Variants in CDK2AP1 observed in about 807,000 individuals in gnomAD.
The protein encoded by CDK2AP1 is cyclin-dependent kinase 2-associated protein 1.
Under a neutral mutation model 14.1 loss-of-function variants are expected in CDK2AP1, and 10 were observed. The observed-to-expected ratio is 0.71, with a 90% CI of 0.44 to 1.20. The LOEUF is 1.20. Among genes scored for constraint, CDK2AP1 ranks in the 50% most tolerant of loss-of-function variants. The pLI is 0.00. For missense variants in CDK2AP1, 102 were observed against 149.9 expected (o/e 0.68, Z 1.67); for synonymous variants, 59 against 59.8 (o/e 0.99, Z 0.06).
chr12:123,265,408 C>G lies in CDK2AP1; in HGVS notation c.154-86G>C. On this transcript the variant is annotated intron_variant, in intron 2 of 3. Coordinates refer to ENST00000261692, the MANE Select transcript of CDK2AP1 (RefSeq NM_004642.4). This position sits in a 1 kb window ranked among gnomAD's most constrained non-coding sequence, Gnocchi z 5.3. ...GTCCCAGTTACTCAGGAGGCTGAGG[C>G]AGGAGAACTGCTTGGACCCAGGAGG... 1 of 1,347,236 alleles carries G rather than the reference C, an allele frequency of 7.4e-7. No individual in the cohort carries two copies. Among genetic ancestry groups the G allele is most frequent in the Non-Finnish European group, 1.1e-6 (1 of 949,384 alleles). The allele number at this position is 1,347,236 out of a possible 1,614,324, so 83.5% of individuals were successfully genotyped here.
At chr12:123,272,200 A>C (rs895445710), upstream of CDK2AP1, 1 of 152,232 alleles carries the variant, frequency 6.6e-6, no homozygotes, top group African/African-American at 2.4e-5. Context: ...CACGTAGATC[A>C]TTCCAGACGC....
chr12:123,270,934 G>C (rs956642252), intron 1 of CDK2AP1: 4 of 985,032 alleles, frequency 4.1e-6, no homozygotes, highest in Non-Finnish European at 4.8e-6. Flanking sequence ...CTGCTCCCAC[G>C]CTCCCGGCCG....
At chr12:123,266,086 C>G (rs972275311) in intron 2 of CDK2AP1, among the ~76,000 whole-genome samples, 21 of 152,352 alleles carry the variant, frequency 1.4e-4, no homozygotes, top group Non-Finnish European at 1.5e-4. Flanking sequence ...CCCACAAGCC[C>G]AGGCTACCTC....
chr12:123,262,524 C>T (rs574725127), intron 3 of CDK2AP1: 6 of 152,354 alleles, frequency 3.9e-5, no homozygotes, highest in African/African-American at 1.4e-4. Context: ...TCTGTGAGGA[C>T]CAGACAGCAA....
chr12:123,262,046 A>G, intron 3 of CDK2AP1: 1 of 410,042 alleles, frequency 2.4e-6, no homozygotes, highest in South Asian at 4.8e-5. Context: ...TCCTGCATTC[A>G]AGGTGCACCA....
Position 123,261,537 on chromosome 12 carries a change from C to G in CDK2AP1, c.*199G>C, listed in dbSNP as rs572827839. 1.9e-6 allele frequency: 1 copy of G among 523,044 alleles called. No homozygotes were observed. The highest frequency in any genetic ancestry group is 3.4e-6 in the Non-Finnish European group (1 of 293,742). The allele number at this position is 523,044 out of a possible 1,614,324, so 32.4% of individuals were successfully genotyped here. A position where few individuals can be genotyped will look rare whatever the true frequency, so the allele number is the denominator to read the frequency against. ...CAAAAAAAACCTGGGCAGTTCCTAA[C>G]TACTTAAAATGCAAATCCTAATTAA... On this transcript the variant is annotated 3_prime_UTR_variant, in exon 4 of 4. Coordinates refer to ENST00000261692, the MANE Select transcript of CDK2AP1 (RefSeq NM_004642.4).
In CDK2AP1 at chr12:123,265,833, G is replaced by A. The variant is rs1487687101; in HGVS notation, c.154-511C>T. ...CATTTCCCAGGATGCAGATGGATGG[G>A]AGGGCACATCCCAGGTGCCAAGCCT... On this transcript the variant is annotated intron_variant, in intron 2 of 3. Transcript: ENST00000261692. This position sits in a 1 kb window ranked among gnomAD's most constrained non-coding sequence, Gnocchi z 5.3. Among the ~76,000 whole-genome samples, 1 of 152,200 alleles carries A rather than the reference G, an allele frequency of 6.6e-6. No homozygotes were observed.
rs868098318 is a variant in CDK2AP1, at chr12:123,271,347, C to T, written c.55+217G>A. ...GGGGGTCACCCCGGGCCGCCCGCCC[C>T]GCACCCCCAGCCGAGGCCCTCGGCG... On this transcript the variant is annotated intron_variant, in intron 1 of 3. Coordinates refer to ENST00000261692, the MANE Select transcript of CDK2AP1 (RefSeq NM_004642.4). 4.0e-4 allele frequency among the ~76,000 whole-genome samples: 59 copies of T among 147,542 alleles called. No individual in the cohort carries two copies. In the Middle Eastern group the frequency reaches 0.01, roughly 26 times the overall value.
Position 123,265,827 on chromosome 12 carries a change from G to A in CDK2AP1, c.154-505C>T, listed in dbSNP as rs2138815990. On this transcript the variant is annotated intron_variant, in intron 2 of 3. Transcript: ENST00000261692. The surrounding 1 kb of genome is among the most constrained non-coding windows in gnomAD (Gnocchi z 5.3). The stretch of plus-strand genomic sequence containing the variant: ...AAACAGCATTTCCCAGGATGCAGAT[G>A]GATGGGAGGGCACATCCCAGGTGCC... Among the ~76,000 whole-genome samples, 1 of 152,320 alleles carries A rather than the reference G, an allele frequency of 6.6e-6. No individual in the cohort carries two copies. Among genetic ancestry groups the A allele is most frequent in the East Asian group, 1.9e-4 (1 of 5,180 alleles).
intron 1 of CDK2AP1, among the ~76,000 whole-genome samples, chr12:123,270,725 G>A (rs901198345): frequency 3.9e-5 from 6 of 152,030 alleles, no homozygotes; most frequent in East Asian, 1.9e-4. Flanking sequence ...GCAGCCCCAG[G>A]AAGCTTGAGG....
chr12:123,270,825 A>C (rs1487028490), intron 1 of CDK2AP1: 4 of 984,250 alleles, frequency 4.1e-6, no homozygotes, highest in African/African-American at 1.8e-5. Context: ...CACTGCCCCC[A>C]CGCCCGCGCG....
At chr12:123,267,358 A>G in intron 1 of CDK2AP1, 76 bp from the exon 2 acceptor site, 1 of 871,500 alleles carries the variant, frequency 1.1e-6, no homozygotes, top group Non-Finnish European at 2.0e-6. Flanking sequence ...GTCCTGCAAC[A>G]GCCCTTGCCC....
intron 1 of CDK2AP1, chr12:123,271,002 C>A: frequency 1.0e-6 from 1 of 982,100 alleles, no homozygotes; most frequent in South Asian, 4.6e-5. Context: ...GTCCCAGTCC[C>A]GGCGGCCCCG....
Position 123,261,524 on chromosome 12 carries a change from G to C in CDK2AP1, c.*212C>G. The C allele has an allele frequency of 8.2e-6, 4 of 487,408 alleles. No individual in the cohort carries two copies. The South Asian group carries it at 8.6e-5, about 10-fold the overall frequency. 30.2% of individuals were successfully genotyped at this position (487,408 alleles called of 1,614,324 possible). The stretch of plus-strand genomic sequence containing the variant: ...AATGCTTAAAAAACAAAAAAAACCT[G>C]GGCAGTTCCTAACTACTTAAAATGC... On this transcript the variant is annotated 3_prime_UTR_variant, in exon 4 of 4. Transcript: ENST00000261692.
intron 3 of CDK2AP1, among the ~76,000 whole-genome samples, chr12:123,264,699 CTCCAACCA>C (rs2048271007): frequency 1.3e-5 from 2 of 152,248 alleles, no homozygotes; most frequent in South Asian, 4.1e-4. Context: ...TGCCCTCCCT[CTCCAACCA>C]TTAAAGAACA....
chr12:123,266,165 C>T (rs771245271), intron 2 of CDK2AP1, among the ~76,000 whole-genome samples: 8 of 152,238 alleles, frequency 5.3e-5, no homozygotes, highest in Admixed American at 3.3e-4. Flanking sequence ...CCCTCCTCCA[C>T]CACCGCCTCT....
intron 1 of CDK2AP1, chr12:123,271,144 C>G: frequency 4.0e-6 from 2 of 497,930 alleles, no homozygotes; most frequent in Non-Finnish European, 5.2e-6. Context: ...CGACCCCGCT[C>G]CCCAGGGCGG....
intron 1 of CDK2AP1, among the ~76,000 whole-genome samples, chr12:123,269,880 G>C (rs1035649863): frequency 6.6e-6 from 1 of 152,150 alleles, no homozygotes; most frequent in Non-Finnish European, 1.5e-5. Context: ...TCTGCAAAGG[G>C]GCCCGTGGGG....
Position 123,265,110 on chromosome 12 carries a change from C to T in CDK2AP1, c.280+86G>A, listed in dbSNP as rs944882462. ...CCATGAGTGAGCCTCATCCCTAGCC[C>T]ACCTTCCCACATTTTCCCCAAAAGT... On this transcript the variant is annotated intron_variant, in intron 3 of 3. Coordinates refer to ENST00000261692, the MANE Select transcript of CDK2AP1 (RefSeq NM_004642.4). This position sits in a 1 kb window ranked among gnomAD's most constrained non-coding sequence, Gnocchi z 5.3. 6.4e-6 allele frequency: 10 copies of T among 1,563,768 alleles called. No individual in the cohort carries two copies. Among genetic ancestry groups the T allele is most frequent in the African/African-American group, 1.3e-5 (1 of 74,104 alleles).
Sources: allele counts gnomAD v4.1 joint callset (sites outside exome capture counted in the v4.1 genomes callset), GRCh38; gene constraint gnomAD v4.1.1; non-coding constraint Gnocchi (gnomAD v3.1); transcripts MANE v1.5; gene names NCBI Gene and HGNC (gene_info 2026-07-23, HGNC 2026-07-21).